IFT81: variants seen among roughly 807,000 people sequenced by gnomAD.
IFT81 encodes intraflagellar transport 81.
In IFT81, 72 loss-of-function variants were observed where a neutral mutation model predicts 102.6. That is an observed-to-expected ratio of 0.70 (90% confidence interval 0.58 to 0.85). The LOEUF (loss-of-function observed/expected upper bound fraction) is 0.85, where lower values mean the gene tolerates loss of function less well. IFT81 is among the 40% of genes least tolerant of loss of function. The probability of loss-of-function intolerance (pLI) is 0.00; values close to 1 mark genes in which losing one functional copy is unlikely to be tolerated. For missense variants in IFT81, 723 were observed against 787.3 expected (o/e 0.92, Z 0.98); for synonymous variants, 237 against 242.7 (o/e 0.98, Z 0.22).
At chr12:110,136,952 T>C in intron 8 of IFT81, 92 bp downstream of exon 8, 1 of 743,818 alleles carries the variant, frequency 1.3e-6, no homozygotes, top group Non-Finnish European at 2.2e-6. Context: ...GAATTAGTTA[T>C]CATCAAGTGA....
rs143177946 is a variant in IFT81 at position 110,189,505 on chromosome 12, C to T, written c.1339-1415C>T. ...CTGGGATTACAGGTGCCCACCAACA[C>T]ATCTGGCTAATTTTTGTATTTTTAG... On this transcript the variant is annotated intron_variant, in intron 12 of 18. Coordinates refer to ENST00000242591, the MANE Select transcript of IFT81 (RefSeq NM_014055.4). Among the ~76,000 whole-genome samples the T allele has an allele frequency of 1.5e-3, 226 of 152,034 alleles. 1 individual carries two copies. The highest frequency in any genetic ancestry group is 5.2e-3 in the African/African-American group (217 of 41,472).
At chr12:110,159,592 G>A (rs1358704762) in intron 10 of IFT81, among the ~76,000 whole-genome samples, 1 of 152,168 alleles carries the variant, frequency 6.6e-6, no homozygotes, top group Non-Finnish European at 1.5e-5. Flanking sequence ...AGGGGAGAAT[G>A]AGAAAAACTA....
At chr12:110,160,784 T>C (rs1026970548) in intron 10 of IFT81, among the ~76,000 whole-genome samples, 1 of 152,248 alleles carries the variant, frequency 6.6e-6, no homozygotes, top group South Asian at 2.1e-4. Flanking sequence ...ATTTTGTCTA[T>C]GAAAGCTATT....
At chr12:110,148,256 C>T (rs986651941) in intron 10 of IFT81, among the ~76,000 whole-genome samples, 2 of 151,594 alleles carry the variant, frequency 1.3e-5, no homozygotes, top group African/African-American at 2.4e-5. Flanking sequence ...ATTTGTTTCC[C>T]GTATTTCCTA....
At chr12:110,203,121 C>G (rs1300067935) in intron 14 of IFT81, among the ~76,000 whole-genome samples, 2 of 152,020 alleles carry the variant, frequency 1.3e-5, no homozygotes, top group African/African-American at 4.8e-5. Flanking sequence ...TAAAAATTAG[C>G]CAGGCATGGT....
chr12:110,175,009 TAAA>T (rs1161164408), intron 11 of IFT81, among the ~76,000 whole-genome samples: 1 of 152,174 alleles, frequency 6.6e-6, no homozygotes, highest in Non-Finnish European at 1.5e-5. Context: ...TCTCAGCATC[TAAA>T]ATGATAGCTG....
chr12:110,162,964 C>T lies in IFT81; in HGVS notation c.1087C>T (p.Gln363Ter), dbSNP rs1037434723. 3.7e-6 allele frequency: 6 copies of T among 1,613,770 alleles called. No individual in the cohort carries two copies. The African/African-American group carries it at 5.3e-5, about 14-fold the overall frequency. Residue 363 changes from glutamine (Q) to a stop codon, truncating the protein, a stop_gained, in exon 11 of 19, where the codon CAG (glutamine) becomes TAG (stop). Transcript: ENST00000242591. LOFTEE classifies it high-confidence loss of function. ...RKKEAKAEEL[Q>*]EAKEKLASLE... ...AAAAGAAGCCAAAGCTGAGGAACTT[C>T]AGGAGGCCAAGGAGAAGTTAGCCAG...
intron 10 of IFT81, among the ~76,000 whole-genome samples, chr12:110,148,585 C>A (rs1274051488): frequency 3.3e-5 from 5 of 152,008 alleles, no homozygotes; most frequent in African/African-American, 1.2e-4. Context: ...AAGCAATTCC[C>A]TGCTTCATCC....
rs201182007 is a variant in IFT81, at chr12:110,135,382, T to G, written c.641T>G (p.Val214Gly). ...CTTAAAATAGCAAGGCAACTTCGAGTTGAAAAAGAGAGAGAAGAATATCTT... is the reference window on the plus strand; with the variant it reads ...CTTAAAATAGCAAGGCAACTTCGAGGTGAAAAAGAGAGAGAAGAATATCTT... ...WMLKIARQLRVEKEREEYLAQ... is the reference protein window; with the variant it reads ...WMLKIARQLRGEKEREEYLAQ... Residue 214 changes from valine (V) to glycine (G), a missense_variant, in exon 7 of 19, where the codon GTT becomes GGT. By Grantham distance (109) the Val-to-Gly change is moderately radical (BLOSUM62 -3). Coordinates refer to ENST00000242591, the MANE Select transcript of IFT81 (RefSeq NM_014055.4). 2 of 1,613,196 alleles carry G rather than the reference T, an allele frequency of 1.2e-6. No individual in the cohort carries two copies. Among genetic ancestry groups the G allele is most frequent in the South Asian group, 2.2e-5 (2 of 90,986 alleles).
intron 10 of IFT81, among the ~76,000 whole-genome samples, chr12:110,158,658 C>T (rs1462754648): frequency 2.6e-5 from 4 of 151,970 alleles, no homozygotes; most frequent in Non-Finnish European, 5.9e-5. Context: ...GGCACTATCT[C>T]GGCTCACTGC....
At chr12:110,139,336 CAAAAAAA>C (rs398044810) in intron 8 of IFT81, among the ~76,000 whole-genome samples, 12 of 52,588 alleles carry the variant, frequency 2.3e-4, no homozygotes, top group Non-Finnish European at 3.1e-4. Flanking sequence ...GACTCTGTCT[CAAAAAAA>C]AAAAAAAAAA....
chr12:110,146,004 G>A (rs921649647), intron 9 of IFT81, among the ~76,000 whole-genome samples: 1 of 151,394 alleles, frequency 6.6e-6, no homozygotes, highest in East Asian at 1.9e-4. Flanking sequence ...TAGAGACGGG[G>A]TTTCACCATG....
chr12:110,217,980 T>G (rs1870350006), intron 18 of IFT81, 64 bp from the exon 19 acceptor site: 3 of 1,148,410 alleles, frequency 2.6e-6, no homozygotes, highest in African/African-American at 1.6e-5. Context: ...TTCCTCCGAC[T>G]ATAGCAATAG....
chr12:110,136,483 A>C (rs1172984299), intron 7 of IFT81, among the ~76,000 whole-genome samples: 1 of 152,226 alleles, frequency 6.6e-6, no homozygotes, highest in Non-Finnish European at 1.5e-5. Flanking sequence ...AAAACCATGT[A>C]TAACAAGAAA....
chr12:110,152,352 A>T (rs896750583), intron 10 of IFT81, among the ~76,000 whole-genome samples: 3 of 152,138 alleles, frequency 2.0e-5, no homozygotes, highest in African/African-American at 7.2e-5. Flanking sequence ...CCATTCTAAC[A>T]GTTGTGAGGT....
chr12:110,199,350 G>A (rs1350045155), intron 14 of IFT81, among the ~76,000 whole-genome samples: 3 of 152,088 alleles, frequency 2.0e-5, no homozygotes, highest in Non-Finnish European at 4.4e-5. Context: ...GATGGAAGGT[G>A]TACACCTCTA....
At chr12:110,212,538 A>T (rs1366522288) in intron 18 of IFT81, among the ~76,000 whole-genome samples, 2 of 129,356 alleles carry the variant, frequency 1.5e-5, no homozygotes, top group Non-Finnish European at 3.4e-5. Flanking sequence ...ACTGTGTCTT[A>T]AAAAAAAAAA....
At chr12:110,150,294 C>T (rs1895454410) in intron 10 of IFT81, among the ~76,000 whole-genome samples, 1 of 151,940 alleles carries the variant, frequency 6.6e-6, no homozygotes, top group Non-Finnish European at 1.5e-5. Flanking sequence ...TTAGTAGAGA[C>T]AGGGTTTCAC....
intron 14 of IFT81, among the ~76,000 whole-genome samples, chr12:110,193,730 G>A (rs1897891377): frequency 6.6e-6 from 1 of 152,086 alleles, no homozygotes; most frequent in Non-Finnish European, 1.5e-5. Flanking sequence ...TGAACTATTA[G>A]GAAATTTTAC....
Sources: allele counts gnomAD v4.1 joint callset (sites outside exome capture counted in the v4.1 genomes callset), GRCh38; gene constraint gnomAD v4.1.1; transcripts MANE v1.5; gene names NCBI Gene and HGNC (gene_info 2026-07-23, HGNC 2026-07-21).